ADPGK: variants seen among roughly 807,000 people sequenced by gnomAD.
The protein encoded by ADPGK is ADP-dependent glucokinase.
A neutral mutation model predicts 42.4 loss-of-function variants in ADPGK; 26 were observed. The ratio of observed to expected loss-of-function variants is 0.61; its 90% CI spans 0.45 to 0.85. The LOEUF is 0.85. ADPGK is among the 40% of genes least tolerant of loss of function. ADPGK has a pLI of 0.00. For missense variants in ADPGK, 571 were observed against 627.0 expected, an observed-to-expected ratio of 0.91 and a Z score of 0.95; for synonymous variants, 267 against 252.6, an observed-to-expected ratio of 1.06 and a Z score of -0.54.
chr15:72,760,135 G>A, intron 4 of ADPGK: 1 of 214,980 alleles, frequency 4.7e-6, no homozygotes, highest in Non-Finnish European at 9.3e-6. Flanking sequence ...TTTTATTTGA[G>A]ATGCTTGCTT....
intron 1 of ADPGK, among the ~76,000 whole-genome samples, chr15:72,782,545 A>AAAC (rs1300678864): frequency 1.3e-5 from 2 of 151,000 alleles, no homozygotes; most frequent in African/African-American, 4.9e-5. Flanking sequence ...AAAAAAAAAA[A>AAAC]AAACCCCAAA....
intron 4 of ADPGK, chr15:72,757,821 G>A: frequency 2.6e-6 from 1 of 380,608 alleles, no homozygotes; most frequent in Admixed American, 4.1e-5. Context: ...TAGTGACACT[G>A]CTAGGAAACA....
intron 4 of ADPGK, among the ~76,000 whole-genome samples, chr15:72,759,748 G>C (rs1052844499): frequency 6.6e-6 from 1 of 152,172 alleles, no homozygotes; most frequent in African/African-American, 2.4e-5. Flanking sequence ...ATTACAGCAG[G>C]AAATACACAG....
At chr15:72,762,105 C>T (rs765639215) in intron 3 of ADPGK, among the ~76,000 whole-genome samples, 3 of 152,162 alleles carry the variant, frequency 2.0e-5, no homozygotes, top group Middle Eastern at 6.8e-3. Flanking sequence ...CTCGTGACCT[C>T]GTGATCCACC....
At chr15:72,780,873 A>T (rs763320829) in intron 1 of ADPGK, among the ~76,000 whole-genome samples, 1 of 152,198 alleles carries the variant, frequency 6.6e-6, no homozygotes, top group Non-Finnish European at 1.5e-5. Context: ...ACTATTATTC[A>T]GGTTATCTCT....
In ADPGK at chr15:72,755,548, G is replaced by A; in HGVS notation, c.939+8C>T. 6.2e-7 allele frequency: 1 copy of A among 1,605,952 alleles called. No individual in the cohort carries two copies. Among genetic ancestry groups the A allele is most frequent in the African/African-American group, 1.3e-5 (1 of 74,842 alleles). ...GATCAGGGCCAAACGATGGTCCCAT[G>A]AGGTTACCTGATGGACAATGCTGCT... On this transcript the variant is annotated splice_region_variant and intron_variant, in intron 6 of 6. Coordinates refer to ENST00000456471, the MANE Select transcript of ADPGK (RefSeq NM_001365225.1).
intron 4 of ADPGK, among the ~76,000 whole-genome samples, chr15:72,759,788 C>A (rs924063113): frequency 6.6e-6 from 1 of 152,190 alleles, no homozygotes; most frequent in East Asian, 1.9e-4. Flanking sequence ...ATTTAATATT[C>A]TCTCAGAAAC....
intron 3 of ADPGK, among the ~76,000 whole-genome samples, chr15:72,764,289 C>CA (rs2066230257): frequency 6.6e-6 from 1 of 152,078 alleles, no homozygotes; most frequent in African/African-American, 2.4e-5. Flanking sequence ...TGTAAGAAAG[C>CA]AAAACAAAAC....
At chr15:72,766,703 G>GT (rs1444262943) in intron 3 of ADPGK, among the ~76,000 whole-genome samples, 1 of 152,154 alleles carries the variant, frequency 6.6e-6, no homozygotes, top group African/African-American at 2.4e-5. Context: ...CAAACATGCA[G>GT]TATCTCTGAG....
intron 6 of ADPGK, 141 bp downstream of exon 6, chr15:72,755,415 C>T (rs2066098567): frequency 3.2e-6 from 2 of 616,620 alleles, no homozygotes; most frequent in East Asian, 2.8e-5. Flanking sequence ...TTTGGATCTC[C>T]ATGGACTTGG....
Position 72,783,158 on chromosome 15 carries a change from G to A in ADPGK, c.233+301C>T, listed in dbSNP as rs566345708. On this transcript the variant is annotated intron_variant, in intron 1 of 6. Transcript: ENST00000456471. ...CAAAACAACAGTCGCCAGAAGAGAA[G>A]GGGCTAAAAGTTGGAACGAGGAAGA... is the stretch of plus-strand genomic sequence containing the variant. 340 of 1,111,892 alleles carry A rather than the reference G, an allele frequency of 3.1e-4. 1 individual carries two copies. The highest frequency in any genetic ancestry group is 3.8e-5 in the East Asian group (1 of 26,026). 68.9% of individuals were successfully genotyped at this position (1,111,892 alleles called of 1,614,324 possible).
intron 1 of ADPGK, among the ~76,000 whole-genome samples, chr15:72,781,173 G>A (rs1230729125): frequency 6.6e-6 from 1 of 152,086 alleles, no homozygotes; most frequent in Admixed American, 6.5e-5. Context: ...AATCCTCTTT[G>A]GGTAATAAAT....
intron 4 of ADPGK, among the ~76,000 whole-genome samples, chr15:72,759,992 C>T (rs2066171971): frequency 6.6e-6 from 1 of 152,192 alleles, no homozygotes; most frequent in South Asian, 2.1e-4. Context: ...GAATCAACCC[C>T]AAGCAGCTTG....
intron 1 of ADPGK, among the ~76,000 whole-genome samples, chr15:72,778,870 C>T (rs549332416): frequency 2.0e-5 from 3 of 152,246 alleles, no homozygotes; most frequent in Admixed American, 1.3e-4. Flanking sequence ...AGAAGAAAGG[C>T]GGCTGATCTT....
intron 2 of ADPGK, among the ~76,000 whole-genome samples, chr15:72,772,290 C>G (rs1369778170): frequency 6.6e-6 from 1 of 152,216 alleles, no homozygotes; most frequent in Non-Finnish European, 1.5e-5. Context: ...CCCATGTTTT[C>G]CTTACTACCT....
intron 3 of ADPGK, among the ~76,000 whole-genome samples, chr15:72,762,406 G>A (rs990534651): frequency 1.5e-4 from 23 of 152,094 alleles, no homozygotes; most frequent in Admixed American, 1.4e-3. Context: ...AGGTACTTTC[G>A]TGTTATTTAA....
chr15:72,775,395 C>CAGAA (rs1275786180), intron 1 of ADPGK, among the ~76,000 whole-genome samples: 2 of 152,184 alleles, frequency 1.3e-5, no homozygotes, highest in Non-Finnish European at 2.9e-5. Context: ...AAAAATGTAA[C>CAGAA]ATTTCTGAGA....
chr15:72,775,979 A>G (rs1182658866), intron 1 of ADPGK, among the ~76,000 whole-genome samples: 1 of 152,272 alleles, frequency 6.6e-6, no homozygotes, highest in Non-Finnish European at 1.5e-5. Flanking sequence ...TTATACATAC[A>G]GCCTGAAGGT....
chr15:72,758,360 T>C (rs1038468369), intron 4 of ADPGK: 18 of 595,044 alleles, frequency 3.0e-5, no homozygotes, highest in Non-Finnish European at 3.1e-6. Context: ...CTCTGCGTAG[T>C]GACTCACTGG....
Sources: allele counts gnomAD v4.1 joint callset (sites outside exome capture counted in the v4.1 genomes callset), GRCh38; gene constraint gnomAD v4.1.1; transcripts MANE v1.5; gene names NCBI Gene and HGNC (gene_info 2026-07-23, HGNC 2026-07-21).